WWOX: variants seen among roughly 807,000 people sequenced by gnomAD.
The protein encoded by WWOX is WW domain containing oxidoreductase.
Under a neutral mutation model 46.2 loss-of-function variants are expected in WWOX, and 69 were observed. That is an observed-to-expected ratio of 1.49 (90% CI 1.23 to 1.82). The LOEUF is 1.82. WWOX is among the 40% of genes most tolerant of loss of function. The pLI is 0.00. For synonymous variants in WWOX, 359 were observed against 202.6 expected (o/e 1.77, Z -6.56); for missense variants, 919 against 542.6 (o/e 1.69, Z -6.89).
At chr16:79,027,492 A>G (rs1259833873) in intron 8 of WWOX, among the ~76,000 whole-genome samples, 1 of 151,808 alleles carries the variant, frequency 6.6e-6, no homozygotes, top group Non-Finnish European at 1.5e-5. Flanking sequence ...CTGAATAAGA[A>G]CTAATGACTT....
At chr16:79,001,250 C>T (rs183948275) in intron 8 of WWOX, among the ~76,000 whole-genome samples, 24 of 152,236 alleles carry the variant, frequency 1.6e-4, no homozygotes, top group African/African-American at 5.8e-4. Flanking sequence ...GCTTTGCCTC[C>T]TCTCCCAAGA....
chr16:78,754,163 G>A (rs1021514751), intron 8 of WWOX, among the ~76,000 whole-genome samples: 1 of 152,060 alleles, frequency 6.6e-6, no homozygotes, highest in Non-Finnish European at 1.5e-5. Flanking sequence ...TTTCTCTAGA[G>A]AACTTGGTCC....
At chr16:78,107,581 C>G (rs1273112778) in intron 1 of WWOX, among the ~76,000 whole-genome samples, 2 of 151,812 alleles carry the variant, frequency 1.3e-5, no homozygotes, top group African/African-American at 4.9e-5. Flanking sequence ...GCTAGATGCC[C>G]TATGGGAAGG....
chr16:78,935,092 A>T (rs533256760), intron 8 of WWOX, among the ~76,000 whole-genome samples: 1 of 152,348 alleles, frequency 6.6e-6, no homozygotes, highest in East Asian at 1.9e-4. Flanking sequence ...ATCATTAAAA[A>T]GTCAGGAAAA....
rs1018925351 is a variant in WWOX at position 78,930,721 on chromosome 16, T to C, written c.1057-280887T>C. ...ACAAAGAGCAGAATGAAAAAATGAGTGAGTAAAGTTGAGCAGAAGAACTCA... is the reference window on the plus strand; with the variant it reads ...ACAAAGAGCAGAATGAAAAAATGAGCGAGTAAAGTTGAGCAGAAGAACTCA... On this transcript the variant is annotated intron_variant, in intron 8 of 8. Transcript: ENST00000566780. Among the ~76,000 whole-genome samples, 4 of 150,626 alleles carry C rather than the reference T, an allele frequency of 2.7e-5. No individual in the cohort carries two copies. The East Asian group carries it at 7.8e-4, about 29-fold the overall frequency.
At chr16:78,593,742 G>C (rs1017116332) in intron 8 of WWOX, among the ~76,000 whole-genome samples, 6 of 146,100 alleles carry the variant, frequency 4.1e-5, no homozygotes, top group Admixed American at 6.7e-5. Context: ...AAAAAAGAGA[G>C]AGAGAGAGAG....
In WWOX at chr16:78,099,664, G is replaced by A. The variant is rs2031608230; in HGVS notation, c.-115G>A. On this transcript the variant is annotated 5_prime_UTR_variant, in exon 1 of 9. Transcript: ENST00000566780. ...CGGCCCCTGGAGGGCGCAGTGCGCAGGCGTGAGCGGTCGGGCCCCGACGCG... is the reference window on the plus strand; with the variant it reads ...CGGCCCCTGGAGGGCGCAGTGCGCAAGCGTGAGCGGTCGGGCCCCGACGCG... The A allele has an allele frequency of 1.5e-6, 2 of 1,337,776 alleles. No individual in the cohort carries two copies. The highest frequency in any genetic ancestry group is 9.9e-7 in the Non-Finnish European group (1 of 1,014,036). 82.9% of individuals were successfully genotyped at this position (1,337,776 alleles called of 1,614,324 possible).
intron 8 of WWOX, among the ~76,000 whole-genome samples, chr16:78,515,572 C>T (rs2043217443): frequency 6.6e-6 from 1 of 152,190 alleles, no homozygotes; most frequent in African/African-American, 2.4e-5. Flanking sequence ...TCTGGTGGAA[C>T]CATCCGGGCA....
intron 8 of WWOX, among the ~76,000 whole-genome samples, chr16:79,046,333 T>G (rs780040971): frequency 6.6e-6 from 1 of 152,176 alleles, no homozygotes; most frequent in East Asian, 1.9e-4. Flanking sequence ...CAAGAAAAAT[T>G]AGTCATTCTC....
chr16:78,240,262 T>G (rs2037593936), intron 5 of WWOX, among the ~76,000 whole-genome samples: 1 of 151,890 alleles, frequency 6.6e-6, no homozygotes, highest in South Asian at 2.1e-4. Context: ...GGGCATCACT[T>G]GAGCCCAGGA....
intron 4 of WWOX, among the ~76,000 whole-genome samples, chr16:78,155,631 C>T (rs1386809344): frequency 1.3e-5 from 2 of 152,220 alleles, no homozygotes; most frequent in East Asian, 3.8e-4. Context: ...CTTCCGAACA[C>T]ACTCTTGCCA....
At chr16:79,108,010 A>G (rs535288092) in intron 8 of WWOX, among the ~76,000 whole-genome samples, 1 of 152,358 alleles carries the variant, frequency 6.6e-6, no homozygotes, top group East Asian at 1.9e-4. Flanking sequence ...CATATGTATT[A>G]CAAAATATCT....
At chr16:78,936,878 C>G (rs765058231) in intron 8 of WWOX, among the ~76,000 whole-genome samples, 2 of 152,186 alleles carry the variant, frequency 1.3e-5, no homozygotes, top group Non-Finnish European at 2.9e-5. Flanking sequence ...TGAAGTATTA[C>G]AGGGTGTCAC....
chr16:78,717,002 C>CA (rs2048580063), intron 8 of WWOX, among the ~76,000 whole-genome samples: 1 of 152,178 alleles, frequency 6.6e-6, no homozygotes, highest in Non-Finnish European at 1.5e-5. Flanking sequence ...AGGCTAATAA[C>CA]ACCTCCCATG....
At chr16:78,409,133 C>T (rs1423789974) in intron 6 of WWOX, among the ~76,000 whole-genome samples, 1 of 151,932 alleles carries the variant, frequency 6.6e-6, no homozygotes, top group Non-Finnish European at 1.5e-5. Context: ...GATGTATACA[C>T]AGTGGCTCAC....
At chr16:78,693,391 C>T (rs1274390386) in intron 8 of WWOX, among the ~76,000 whole-genome samples, 2 of 152,156 alleles carry the variant, frequency 1.3e-5, no homozygotes, top group Non-Finnish European at 2.9e-5. Context: ...TTCTAAGTTC[C>T]ATTGCAAAAA....
chr16:78,462,426 C>A (rs2083973992), intron 8 of WWOX, among the ~76,000 whole-genome samples: 1 of 152,156 alleles, frequency 6.6e-6, no homozygotes, highest in East Asian at 1.9e-4. Flanking sequence ...CGCTAATTTG[C>A]AGCGCACTTG....
chr16:78,895,005 A>G (rs1368956876), intron 8 of WWOX, among the ~76,000 whole-genome samples: 2 of 152,196 alleles, frequency 1.3e-5, no homozygotes, highest in Admixed American at 1.3e-4. Flanking sequence ...AGATCCCATC[A>G]TGCCGCCGGG....
intron 8 of WWOX, among the ~76,000 whole-genome samples, chr16:79,093,261 G>A (rs904341260): frequency 6.6e-6 from 1 of 152,160 alleles, no homozygotes; most frequent in African/African-American, 2.4e-5. Context: ...TTTTGGAGGC[G>A]AAAGATACAC....
Sources: gnomAD v4.1 joint callset for allele counts (sites outside exome capture counted in the v4.1 genomes callset) on GRCh38, gnomAD v4.1.1 for gene constraint, MANE v1.5 for transcripts, NCBI Gene and HGNC (gene_info 2026-07-23, HGNC 2026-07-21) for gene names.